The following NUDT14 variants were observed in gnomAD, a reference collection of about 807,000 sequenced individuals.
NUDT14 encodes the protein uridine diphosphate glucose pyrophosphatase NUDT14.
NUDT14 carries 22 observed loss-of-function variants against 17.5 expected under a neutral mutation model. That is an observed-to-expected ratio of 1.26 (90% CI 0.90 to 1.80). NUDT14 has a LOEUF of 1.80. NUDT14 is among the 40% of genes most tolerant of loss of function. The pLI, the probability that NUDT14 is intolerant of heterozygous loss-of-function variation, is 0.00. For synonymous variants in NUDT14, 129 were observed against 125.8 expected, an observed-to-expected ratio of 1.03 and a Z score of -0.17; for missense variants, 296 against 295.6, an observed-to-expected ratio of 1.00 and a Z score of -0.01.
intron 2 of NUDT14, chr14:105,177,465 C>T (rs780577344): frequency 3.1e-5 from 18 of 573,400 alleles, no homozygotes; most frequent in Non-Finnish European, 5.0e-5. Context: ...GGCCTGCCCA[C>T]CATCATGGTC....
In NUDT14 at chr14:105,173,131, C is replaced by G; in HGVS notation, c.559G>C (p.Glu187Gln). The G allele has an allele frequency of 1.2e-6, 2 of 1,608,330 alleles. No individual in the cohort carries two copies. Among genetic ancestry groups the G allele is most frequent in the Non-Finnish European group, 1.7e-6 (2 of 1,178,066 alleles). The change falls in exon 5 of 5, where the codon GAA becomes CAA. Residue 187 changes from glutamate to glutamine, a missense_variant. Glu to Gln is a conservative substitution (Grantham distance 29, BLOSUM62 2). Transcript: ENST00000392568. The surrounding 1 kb of genome is among the most constrained non-coding windows in gnomAD (Gnocchi z 4.7). ...TCGTCTGCAAAGGCCTGGGCGCCTT[C>G]CAGGGGCAGGTGCACCACCTCAATG... ...ELIEVVHLPLEGAQAFADDPD... is the reference protein window; with the variant it reads ...ELIEVVHLPLQGAQAFADDPD...
chr14:105,173,165 C>G lies in NUDT14; in HGVS notation c.525G>C (p.Glu175Asp), dbSNP rs772275576. The G allele has an allele frequency of 8.1e-6, 13 of 1,610,788 alleles. No homozygotes were observed. The Admixed American group carries it at 1.2e-4, about 15-fold the overall frequency. ...GGTGCACCACCTCAATGAGCTCACC[C>G]TCCTCCACCAGGCCCCCACCTGGAC... ...RSGPGGGLVE[E>D]GELIEVVHLP... is the part of the protein sequence containing the mutation. Residue 175 changes from glutamate (E) to aspartate (D), a missense_variant, in exon 5 of 5, where the codon GAG (glutamate) becomes GAC (aspartate). Transcript: ENST00000392568. The surrounding 1 kb of genome is among the most constrained non-coding windows in gnomAD (Gnocchi z 4.7).
intron 4 of NUDT14, 80 bp downstream of exon 4, chr14:105,176,454 G>C: frequency 8.7e-7 from 1 of 1,150,648 alleles, no homozygotes; most frequent in Admixed American, 1.7e-5. Flanking sequence ...CATCCTGCTT[G>C]CACACTCCCA....
chr14:105,180,178 T>A (rs1459832955), intron 1 of NUDT14, among the ~76,000 whole-genome samples: 2 of 152,162 alleles, frequency 1.3e-5, no homozygotes, highest in Non-Finnish European at 2.9e-5. Flanking sequence ...TGGCAGCAGC[T>A]CCTTCACCCA....
chr14:105,177,457 C>G (rs945156744), intron 2 of NUDT14: 2 of 568,630 alleles, frequency 3.5e-6, no homozygotes, highest in African/African-American at 3.8e-5. Flanking sequence ...CCTGAGAGGG[C>G]CTGCCCACCA....
Position 105,176,729 on chromosome 14 carries a change from A to G in NUDT14, c.233T>C (p.Leu78Pro), listed in dbSNP as rs1347964008. The change falls in exon 4 of 5, where the codon CTA (leucine) becomes CCA (proline). Residue 78 changes from leucine (L) to proline (P), a missense_variant. By Grantham distance (98) the Leu-to-Pro change is moderately conservative. Transcript: ENST00000392568. ...AGGCCCGTCCTGGTCTACAGCTGCT[A>G]GGGACCCTGGGAAGCGGCGCTCCAC... is the stretch of plus-strand genomic sequence containing the variant. ...GEVERRFPGS[L>P]AAVDQDGPRE... The G allele has an allele frequency of 1.2e-6, 2 of 1,612,490 alleles. No homozygotes were observed. The highest frequency in any genetic ancestry group is 1.7e-6 in the Non-Finnish European group (2 of 1,179,936).
chr14:105,178,251 G>A (rs187219910), intron 1 of NUDT14, among the ~76,000 whole-genome samples: 1 of 152,200 alleles, frequency 6.6e-6, no homozygotes, highest in Non-Finnish European at 1.5e-5. Context: ...GGAGGGGCTG[G>A]CACCAGGAGC....
At position 105,176,764 on chromosome 14, in the gene NUDT14, A is replaced by G. The variant is rs1889223131; in HGVS notation, c.198T>C (p.Tyr66=). 1 of 1,612,076 alleles carries G rather than the reference A, an allele frequency of 6.2e-7. No homozygotes were observed. The highest frequency in any genetic ancestry group is 1.1e-5 in the South Asian group (1 of 91,068). The change falls in exon 4 of 5, where the codon TAT becomes TAC. Residue 66 remains tyrosine (Y), a synonymous_variant. Transcript: ENST00000392568. Reference sequence around the variant, plus strand: ...GGAAGCGGCGCTCCACCTCACCCGCATACACAGCTGCGTGGGAAGAAGCCA... The same window carrying G: ...GGAAGCGGCGCTCCACCTCACCCGCGTACACAGCTGCGTGGGAAGAAGCCA... The part of the protein sequence containing the change: ...VLVKQFRPAV[Y]AGEVERRFPG...
chr14:105,178,454 C>G (rs1230771089), intron 1 of NUDT14, among the ~76,000 whole-genome samples: 2 of 152,176 alleles, frequency 1.3e-5, no homozygotes, highest in East Asian at 3.9e-4. Context: ...CCACACTGGG[C>G]ACACCACCCT....
chr14:105,177,367 C>T (rs1195471266), intron 2 of NUDT14: 1 of 549,192 alleles, frequency 1.8e-6, no homozygotes, highest in South Asian at 2.0e-5. Context: ...TGCCCACCAG[C>T]CACACTCCTC....
chr14:105,178,753 G>A (rs1025358128), intron 1 of NUDT14, among the ~76,000 whole-genome samples: 3 of 152,226 alleles, frequency 2.0e-5, no homozygotes, highest in African/African-American at 7.2e-5. Flanking sequence ...CAGGACTGCA[G>A]AAGAGAGAAG....
In NUDT14 at chr14:105,178,608, G is replaced by A. The variant is rs145890386; in HGVS notation, c.82-873C>T. 3.3e-5 allele frequency among the ~76,000 whole-genome samples: 5 copies of A among 152,302 alleles called. No homozygotes were observed. In the East Asian group the frequency reaches 7.7e-4, roughly 24 times the overall value. On this transcript the variant is annotated intron_variant, in intron 1 of 4. Transcript: ENST00000392568. Reference sequence around the variant, plus strand: ...CTGGGGGCTGAGCCTGGGGTCCCGCGGGGTCCCATCTCCGGCACGCTCAGC... The same window carrying A: ...CTGGGGGCTGAGCCTGGGGTCCCGCAGGGTCCCATCTCCGGCACGCTCAGC...
In NUDT14 at chr14:105,181,312, T is replaced by C; in HGVS notation, c.-103A>G. On this transcript the variant is annotated 5_prime_UTR_variant, in exon 1 of 5. Coordinates refer to ENST00000392568, the MANE Select transcript of NUDT14 (RefSeq NM_177533.5). This position sits in a 1 kb window ranked among gnomAD's most constrained non-coding sequence, Gnocchi z 5.0. Reference sequence around the variant, plus strand: ...TCGGGCGGGCGCGTGACCGCGGCTCTGAGCATGCTCCGTGGGCGCGCGGGG... The same window carrying C: ...TCGGGCGGGCGCGTGACCGCGGCTCCGAGCATGCTCCGTGGGCGCGCGGGG... The C allele has an allele frequency of 2.5e-6, 1 of 394,344 alleles. No individual in the cohort carries two copies. 24.4% of individuals were successfully genotyped at this position (394,344 alleles called of 1,614,324 possible).
intron 1 of NUDT14, among the ~76,000 whole-genome samples, chr14:105,179,664 CCAA>C (rs1323902358): frequency 6.6e-6 from 1 of 152,222 alleles, no homozygotes; most frequent in Non-Finnish European, 1.5e-5. Flanking sequence ...TCCCATATGG[CCAA>C]CGTCAGGGAA....
At chr14:105,176,898 C>T in intron 3 of NUDT14, 65 bp downstream of exon 3, 1 of 1,573,906 alleles carries the variant, frequency 6.4e-7, no homozygotes, top group Non-Finnish European at 8.7e-7. Flanking sequence ...TGTATTCAGA[C>T]CCTCAGGACC....
At position 105,176,521 on chromosome 14, in the gene NUDT14, T is replaced by C. The variant is rs1889214967; in HGVS notation, c.428+13A>G. ...GAGTCACACCACAGGCCTGAGGGCC[T>C]GGTCCCACTCACCAGTATGTGGCGA... On this transcript the variant is annotated intron_variant, in intron 4 of 4. Coordinates refer to ENST00000392568, the MANE Select transcript of NUDT14 (RefSeq NM_177533.5). 6.2e-7 allele frequency: 1 copy of C among 1,600,968 alleles called. No homozygotes were observed.
intron 1 of NUDT14, among the ~76,000 whole-genome samples, 181 bp from the exon 2 acceptor site, chr14:105,177,916 A>G (rs1287360529): frequency 6.6e-6 from 1 of 152,004 alleles, no homozygotes; most frequent in Non-Finnish European, 1.5e-5. Context: ...TGGGAGGGGC[A>G]GGGAGGTCAA....
In NUDT14 at chr14:105,176,807, C is replaced by T. The variant is rs142630749; in HGVS notation, c.191-36G>A. The T allele has an allele frequency of 3.5e-3, 5,597 of 1,598,700 alleles. 13 individuals are homozygous for T. Among genetic ancestry groups the T allele is most frequent in the Non-Finnish European group, 4.3e-3 (5,018 of 1,168,664 alleles). ...AGAAGCCAGACTGTGCTCACAGCCA[C>T]GTGGTGGCCACCTCCAGGTCACCCA... On this transcript the variant is annotated intron_variant, in intron 3 of 4. Coordinates refer to ENST00000392568, the MANE Select transcript of NUDT14 (RefSeq NM_177533.5).
intron 2 of NUDT14, chr14:105,177,450 G>A: frequency 1.8e-6 from 1 of 565,880 alleles, no homozygotes; most frequent in Non-Finnish European, 3.2e-6. Context: ...TCCCTGCCCT[G>A]AGAGGGCCTG....
Sources: gnomAD v4.1 joint callset for allele counts (sites outside exome capture counted in the v4.1 genomes callset) on GRCh38, gnomAD v4.1.1 for gene constraint, Gnocchi (gnomAD v3.1) non-coding constraint, MANE v1.5 for transcripts, NCBI Gene and HGNC (gene_info 2026-07-23, HGNC 2026-07-21) for gene names.